Variants in SLC13A3 observed in about 807,000 individuals in gnomAD.
SLC13A3 encodes the protein Na(+)/dicarboxylate cotransporter 3.
SLC13A3 carries 40 observed loss-of-function variants against 59.0 expected under a neutral mutation model. The observed-to-expected ratio is 0.68, with a 90% CI of 0.53 to 0.88. SLC13A3 has a LOEUF of 0.88. SLC13A3 is among the 40% of genes least tolerant of loss of function. The pLI is 0.00. For missense variants in SLC13A3, 699 were observed against 783.2 expected, an observed-to-expected ratio of 0.89 and a Z score of 1.28; for synonymous variants, 317 against 330.3, an observed-to-expected ratio of 0.96 and a Z score of 0.44.
At chr20:46,650,395 C>T (rs1410767241) in intron 1 of SLC13A3, among the ~76,000 whole-genome samples, 1 of 152,108 alleles carries the variant, frequency 6.6e-6, no homozygotes, top group Non-Finnish European at 1.5e-5. Context: ...ATAATCTTTC[C>T]CCTCTGAGAC....
chr20:46,629,085 A>C (rs1355476715), intron 1 of SLC13A3, among the ~76,000 whole-genome samples: 2 of 152,232 alleles, frequency 1.3e-5, no homozygotes, highest in African/African-American at 4.8e-5. Flanking sequence ...TAGGGATGAT[A>C]TTATGAATAA....
intron 1 of SLC13A3, among the ~76,000 whole-genome samples, chr20:46,640,277 C>T (rs1039233316): frequency 6.6e-6 from 1 of 152,158 alleles, no homozygotes; most frequent in East Asian, 1.9e-4. Context: ...GAAGTCCTCT[C>T]TCTGCGCAGA....
chr20:46,595,519 G>T (rs944150570), intron 5 of SLC13A3, among the ~76,000 whole-genome samples: 5 of 152,142 alleles, frequency 3.3e-5, no homozygotes, highest in African/African-American at 1.2e-4. Flanking sequence ...CTTCTCTTGG[G>T]CCATGACGGC....
At chr20:46,653,271 CA>C (rs1395169567), upstream of SLC13A3, among the ~76,000 whole-genome samples, 1 of 152,170 alleles carries the variant, frequency 6.6e-6, no homozygotes, top group African/African-American at 2.4e-5. Context: ...TTAAATTTAT[CA>C]AATTTTTCCT....
At chr20:46,632,911 A>AGATAGACAGACAGATAGCTCTT (rs1253627891) in intron 1 of SLC13A3, among the ~76,000 whole-genome samples, 4,512 of 54,882 alleles carry the variant, frequency 0.082, 414 homozygotes, top group Middle Eastern at 0.1. Context: ...ATAGATAGAT[A>AGATAGACAGACAGATAGCTCTT]TATCTATCTA....
At chr20:46,560,338 C>T (rs1301008980) in intron 12 of SLC13A3, 140 bp from the exon 13 acceptor site, 11 of 715,066 alleles carry the variant, frequency 1.5e-5, no homozygotes, top group Non-Finnish European at 2.3e-5. Context: ...AGACCCAGGT[C>T]GGTAAATGCC....
intron 1 of SLC13A3, among the ~76,000 whole-genome samples, chr20:46,660,053 C>G (rs779546207): frequency 7.9e-5 from 12 of 152,122 alleles, no homozygotes; most frequent in Non-Finnish European, 1.5e-4. Flanking sequence ...ACCAGAACAC[C>G]ACTGTTTGAA....
chr20:46,639,645 G>A (rs756163535), intron 1 of SLC13A3, among the ~76,000 whole-genome samples: 21 of 152,120 alleles, frequency 1.4e-4, no homozygotes, highest in Non-Finnish European at 2.2e-4. Context: ...CTGTCCTCTG[G>A]GAAGCCTGTC....
chr20:46,684,232 G>C (rs987962644), intron 1 of SLC13A3: 1 of 152,330 alleles, frequency 6.6e-6, no homozygotes, highest in African/African-American at 2.4e-5. Flanking sequence ...ATCACTGTCT[G>C]AAACTGTCTT....
chr20:46,580,131 T>C (rs1031715490), intron 9 of SLC13A3, among the ~76,000 whole-genome samples: 1 of 152,186 alleles, frequency 6.6e-6, no homozygotes, highest in African/African-American at 2.4e-5. Flanking sequence ...AATTTTTGTA[T>C]TTTTAGTAGA....
chr20:46,652,715 A>AG (rs911312038), upstream of SLC13A3, among the ~76,000 whole-genome samples: 3 of 151,672 alleles, frequency 2.0e-5, no homozygotes, highest in African/African-American at 7.3e-5. Flanking sequence ...TTTTTTTTTA[A>AG]GGGGGGTGAG....
In SLC13A3 at chr20:46,637,906, C is replaced by T. The variant is rs77573166; in HGVS notation, c.111+13405G>A. ...GGTGATTCAGGGGGACATACCACCC[C>T]AGGTGAGGCAGGCTCCTTCTCTAGG... On this transcript the variant is annotated intron_variant, in intron 1 of 12. Coordinates refer to ENST00000279027, the MANE Select transcript of SLC13A3 (RefSeq NM_022829.6). 3.9e-5 allele frequency among the ~76,000 whole-genome samples: 6 copies of T among 152,264 alleles called. No individual in the cohort carries two copies. The East Asian group carries it at 1.2e-3, about 29-fold the overall frequency.
upstream of SLC13A3, among the ~76,000 whole-genome samples, chr20:46,671,788 T>C (rs1245545790): frequency 6.6e-6 from 1 of 152,150 alleles, no homozygotes; most frequent in Non-Finnish European, 1.5e-5. Flanking sequence ...TGTACCGGCA[T>C]CTGACTCAAC....
chr20:46,662,926 T>C (rs1349875747), intron 1 of SLC13A3, among the ~76,000 whole-genome samples: 1 of 152,210 alleles, frequency 6.6e-6, no homozygotes, highest in Non-Finnish European at 1.5e-5. Context: ...GATATGAATT[T>C]ATAAGTCTTA....
intron 10 of SLC13A3, 102 bp from the exon 11 acceptor site, chr20:46,566,492 C>G (rs758118097): frequency 3.0e-6 from 4 of 1,325,716 alleles, no homozygotes; most frequent in Non-Finnish European, 3.1e-6. Context: ...ATACCCCTTC[C>G]CAGATGGGGA....
intron 5 of SLC13A3, among the ~76,000 whole-genome samples, chr20:46,594,259 ATACT>A (rs1231591106): frequency 1.3e-5 from 2 of 149,942 alleles, no homozygotes; most frequent in East Asian, 1.9e-4. Flanking sequence ...TATATATTAC[ATACT>A]TAAACATACA....
chr20:46,609,158 T>C (rs2062466587), intron 3 of SLC13A3: 1 of 1,437,642 alleles, frequency 7.0e-7, no homozygotes, highest in African/African-American at 1.4e-5. Context: ...GTTATGTAAA[T>C]TAAAAGTAAG....
chr20:46,586,058 T>G (rs967919722), intron 8 of SLC13A3, among the ~76,000 whole-genome samples: 1 of 152,222 alleles, frequency 6.6e-6, no homozygotes, highest in African/African-American at 2.4e-5. Context: ...AAAAAAAGAA[T>G]GCAAAATATC....
chr20:46,627,362 A>G (rs1324204073), intron 1 of SLC13A3, among the ~76,000 whole-genome samples: 2 of 152,190 alleles, frequency 1.3e-5, no homozygotes, highest in Non-Finnish European at 2.9e-5. Context: ...TCCCAAGCTT[A>G]ACAGTAACTT....
Sources: allele counts gnomAD v4.1 joint callset (sites outside exome capture counted in the v4.1 genomes callset), GRCh38; gene constraint gnomAD v4.1.1; transcripts MANE v1.5; gene names NCBI Gene and HGNC (gene_info 2026-07-23, HGNC 2026-07-21).